The following LDB2 variants were observed in gnomAD, a reference collection of about 807,000 sequenced individuals.
LDB2 encodes the protein LIM domain binding 2.
In LDB2, 12 loss-of-function variants were observed where a neutral mutation model predicts 44.3. That is an observed-to-expected ratio of 0.27 (90% CI 0.17 to 0.44). LDB2 has a LOEUF of 0.44. Among genes scored for constraint, LDB2 ranks in the 20% least tolerant of loss-of-function variants. The pLI is 1.00. For synonymous variants in LDB2, 164 were observed against 174.8 expected (o/e 0.94, Z 0.49); for missense variants, 344 against 473.5 (o/e 0.73, Z 2.54).
intron 2 of LDB2, among the ~76,000 whole-genome samples, chr4:16,666,770 G>A (rs919618442): frequency 3.9e-5 from 6 of 152,194 alleles, no homozygotes; most frequent in Non-Finnish European, 7.3e-5. Flanking sequence ...CAAATTGGAC[G>A]TGTGCCAGTC....
At chr4:16,577,623 ATTG>A (rs1253112276) in intron 5 of LDB2, among the ~76,000 whole-genome samples, 11 of 152,316 alleles carry the variant, frequency 7.2e-5, no homozygotes, top group Admixed American at 4.6e-4. Flanking sequence ...AAGAATCAAT[ATTG>A]TTACAATGTC....
At chr4:16,611,748 C>A (rs549253397) in intron 2 of LDB2, among the ~76,000 whole-genome samples, 1 of 152,226 alleles carries the variant, frequency 6.6e-6, no homozygotes, top group South Asian at 2.1e-4. Flanking sequence ...GACTTAGGCT[C>A]CCACACAATA....
At chr4:16,598,451 G>A (rs74723301) in intron 2 of LDB2, among the ~76,000 whole-genome samples, 13 of 152,328 alleles carry the variant, frequency 8.5e-5, no homozygotes, top group African/African-American at 3.1e-4. Flanking sequence ...TCCAGGAAGT[G>A]AATCCTTGAG....
At chr4:16,802,118 T>C (rs1777944195) in intron 1 of LDB2, among the ~76,000 whole-genome samples, 1 of 151,500 alleles carries the variant, frequency 6.6e-6, no homozygotes, top group African/African-American at 2.4e-5. Flanking sequence ...CAGTAAGCAT[T>C]AGCCCCACCC....
At chr4:16,808,034 G>GA (rs1210010384) in intron 1 of LDB2, among the ~76,000 whole-genome samples, 1 of 151,302 alleles carries the variant, frequency 6.6e-6, no homozygotes, top group African/African-American at 2.4e-5. Flanking sequence ...TCTATGCTAG[G>GA]AAAAAAAAGT....
At chr4:16,546,656 A>C (rs527633108) in intron 5 of LDB2, among the ~76,000 whole-genome samples, 136 of 152,290 alleles carry the variant, frequency 8.9e-4, no homozygotes, top group African/African-American at 3.0e-3. Flanking sequence ...CACACTGCCA[A>C]GGTGAAAAAA....
intron 1 of LDB2, among the ~76,000 whole-genome samples, chr4:16,851,257 C>T (rs768308559): frequency 9.9e-5 from 15 of 151,880 alleles, no homozygotes; most frequent in Non-Finnish European, 1.9e-4. Context: ...CTCTCACAAG[C>T]AGGTACGAGT....
At chr4:16,844,649 C>T (rs897972481) in intron 1 of LDB2, among the ~76,000 whole-genome samples, 21 of 152,140 alleles carry the variant, frequency 1.4e-4, no homozygotes, top group African/African-American at 4.8e-4. Flanking sequence ...CAAGAACAAT[C>T]CCCATGTCTT....
At position 16,508,521 on chromosome 4, in the gene LDB2, A is replaced by G; in HGVS notation, c.891+14T>C. 1 of 1,543,938 alleles carries G rather than the reference A, an allele frequency of 6.5e-7. No homozygotes were observed. The highest frequency in any genetic ancestry group is 1.7e-4 in the Middle Eastern group (1 of 5,716). ...CAGTTAGGATTTCGGGCCTAAGAGG[A>G]AAGCGAGACTTACAGGTACCTGACT... On this transcript the variant is annotated intron_variant, in intron 7 of 7. Transcript: ENST00000304523.
At chr4:16,599,453 G>C (rs1721970670) in intron 2 of LDB2, among the ~76,000 whole-genome samples, 2 of 152,008 alleles carry the variant, frequency 1.3e-5, no homozygotes, top group Non-Finnish European at 2.9e-5. Context: ...AAGAATTCAG[G>C]ATAATCTGCC....
intron 1 of LDB2, among the ~76,000 whole-genome samples, chr4:16,788,631 C>A (rs1775023502): frequency 6.6e-6 from 1 of 152,162 alleles, no homozygotes; most frequent in Admixed American, 6.5e-5. Flanking sequence ...TAATACTCAG[C>A]ACAGTACCCA....
chr4:16,556,882 A>G lies in LDB2; in HGVS notation c.615+29040T>C, dbSNP rs941259075. On this transcript the variant is annotated intron_variant, in intron 5 of 7. Coordinates refer to ENST00000304523, the MANE Select transcript of LDB2 (RefSeq NM_001290.5). ...CATTACTTTGGTTCAAATTTGGGGG[A>G]GGCAGATTCTAAAATTTTCCAGAAA... is the stretch of plus-strand genomic sequence containing the variant. Among the ~76,000 whole-genome samples the G allele has an allele frequency of 3.3e-5, 5 of 152,316 alleles. No individual in the cohort carries two copies. In the South Asian group the frequency reaches 1.0e-3, roughly 32 times the overall value.
chr4:16,787,397 G>A (rs142983596), intron 1 of LDB2, among the ~76,000 whole-genome samples: 2,197 of 152,268 alleles, frequency 0.014, 23 homozygotes, highest in Middle Eastern at 0.024. Flanking sequence ...CATATCACCC[G>A]AGGTCAGGAG....
At chr4:16,609,338 C>T (rs1724913872) in intron 2 of LDB2, among the ~76,000 whole-genome samples, 1 of 107,448 alleles carries the variant, frequency 9.3e-6, no homozygotes, top group Admixed American at 8.4e-5. Context: ...TACTGAACTC[C>T]CAGGGGAGGG....
intron 5 of LDB2, among the ~76,000 whole-genome samples, chr4:16,579,167 T>G (rs1296619192): frequency 6.6e-6 from 1 of 152,212 alleles, no homozygotes; most frequent in African/African-American, 2.4e-5. Flanking sequence ...CTTTTTAAAA[T>G]AATTAAAAGA....
intron 2 of LDB2, among the ~76,000 whole-genome samples, chr4:16,631,011 C>T (rs1023036508): frequency 6.6e-6 from 1 of 151,986 alleles, no homozygotes; most frequent in African/African-American, 2.4e-5. Context: ...ACCCCACTGT[C>T]AATATTAGAT....
intron 5 of LDB2, among the ~76,000 whole-genome samples, chr4:16,576,350 A>T (rs1156454867): frequency 1.3e-5 from 2 of 150,928 alleles, no homozygotes; most frequent in African/African-American, 2.4e-5. Flanking sequence ...CCAGATTTTA[A>T]AAAAAAAAGA....
At chr4:16,584,567 G>A (rs767909254) in intron 5 of LDB2, among the ~76,000 whole-genome samples, 4 of 152,200 alleles carry the variant, frequency 2.6e-5, no homozygotes, top group Admixed American at 6.5e-5. Context: ...TCAGTCACAA[G>A]ATACATGGCA....
At chr4:16,594,583 C>T (rs1408840967) in intron 3 of LDB2, among the ~76,000 whole-genome samples, 1 of 152,192 alleles carries the variant, frequency 6.6e-6, no homozygotes, top group Non-Finnish European at 1.5e-5. Context: ...CAACCATTTC[C>T]TTTGCCTTTG....
Sources: allele counts gnomAD v4.1 joint callset (sites outside exome capture counted in the v4.1 genomes callset), GRCh38; gene constraint gnomAD v4.1.1; transcripts MANE v1.5; gene names NCBI Gene and HGNC (gene_info 2026-07-23, HGNC 2026-07-21).